DLG2: variants seen among roughly 807,000 people sequenced by gnomAD.
DLG2 encodes the protein disks large homolog 2.
Under a neutral mutation model 132.5 loss-of-function variants are expected in DLG2, and 45 were observed. That is an observed-to-expected ratio of 0.34 (90% CI 0.27 to 0.44). The LOEUF (loss-of-function observed/expected upper bound fraction) is 0.44. Among genes scored for constraint, DLG2 ranks in the 20% least tolerant of loss-of-function variants. DLG2 has a pLI of 1.00. For missense variants in DLG2, 1,045 were observed against 1,196.9 expected (o/e 0.87, Z 1.87); for synonymous variants, 424 against 419.6 (o/e 1.01, Z -0.13).
chr11:85,172,040 G>A lies in DLG2; in HGVS notation c.187-17389C>T, dbSNP rs1380653077. Among the ~76,000 whole-genome samples, 8 of 152,250 alleles carry A rather than the reference G, an allele frequency of 5.3e-5. No homozygotes were observed. The South Asian group carries it at 6.2e-4, about 12-fold the overall frequency. ...GATGTTCCAGCCTGCTGGCACTGAA[G>A]AGTCCGGGCATTCTGGACGAGGGGG... On this transcript the variant is annotated intron_variant, in intron 4 of 27. Transcript: ENST00000376104.
At chr11:85,023,574 A>T (rs2060258902) in intron 6 of DLG2, among the ~76,000 whole-genome samples, 1 of 152,124 alleles carries the variant, frequency 6.6e-6, no homozygotes. Context: ...TTAAATAAAT[A>T]CACAAACAAA....
chr11:84,004,788 T>C (rs1592872569), intron 11 of DLG2, among the ~76,000 whole-genome samples: 1 of 151,568 alleles, frequency 6.6e-6, no homozygotes, highest in East Asian at 1.9e-4. Flanking sequence ...AGGACATAAA[T>C]GGAAAGACAT....
At chr11:84,586,168 G>A (rs11821240) in intron 6 of DLG2, among the ~76,000 whole-genome samples, 6 of 149,328 alleles carry the variant, frequency 4.0e-5, no homozygotes, top group Admixed American at 2.0e-4. Flanking sequence ...AAAAAAAAGG[G>A]TTTGTAATTA....
chr11:83,532,600 TG>T (rs942179598), intron 21 of DLG2, 107 bp downstream of exon 21: 1 of 865,780 alleles, frequency 1.2e-6, no homozygotes, highest in African/African-American at 1.7e-5. Flanking sequence ...AGTGCTCTAC[TG>T]TCTGGTACCT....
chr11:83,512,188 G>A (rs2095063501), intron 21 of DLG2, among the ~76,000 whole-genome samples: 1 of 152,144 alleles, frequency 6.6e-6, no homozygotes, highest in African/African-American at 2.4e-5. Context: ...CCTGCCCAAT[G>A]GGGAGGTGCA....
intron 17 of DLG2, among the ~76,000 whole-genome samples, chr11:83,816,395 G>A (rs1236728988): frequency 2.0e-5 from 3 of 152,274 alleles, no homozygotes; most frequent in South Asian, 2.1e-4. Context: ...AATTTTGTAT[G>A]CCTGGTAAAT....
At chr11:85,256,240 G>C (rs1443639110) in intron 4 of DLG2, among the ~76,000 whole-genome samples, 3 of 152,118 alleles carry the variant, frequency 2.0e-5, no homozygotes, top group Non-Finnish European at 4.4e-5. Flanking sequence ...AAGGAGTGAA[G>C]AGAAGGAGAA....
intron 3 of DLG2, among the ~76,000 whole-genome samples, chr11:85,540,764 TA>T (rs973431062): frequency 6.6e-6 from 1 of 152,324 alleles, no homozygotes; most frequent in African/African-American, 2.4e-5. Flanking sequence ...CACTCAACCT[TA>T]GACGCTGCTG....
At chr11:83,552,844 T>C (rs1679234438) in intron 19 of DLG2, among the ~76,000 whole-genome samples, 1 of 152,210 alleles carries the variant, frequency 6.6e-6, no homozygotes, top group African/African-American at 2.4e-5. Context: ...TTGATCAATA[T>C]AAAAAATTCT....
intron 7 of DLG2, among the ~76,000 whole-genome samples, chr11:84,468,646 TA>T (rs1455384288): frequency 6.6e-6 from 1 of 151,570 alleles, no homozygotes; most frequent in African/African-American, 2.4e-5. Context: ...TCATGGGATT[TA>T]ACCAAGACAT....
At chr11:84,008,298 C>A (rs2094684149) in intron 11 of DLG2, among the ~76,000 whole-genome samples, 1 of 151,838 alleles carries the variant, frequency 6.6e-6, no homozygotes, top group Non-Finnish European at 1.5e-5. Flanking sequence ...ATTGTGAATT[C>A]TTTAAGAGTC....
At chr11:84,796,376 T>C (rs1342834213) in intron 6 of DLG2, among the ~76,000 whole-genome samples, 5 of 152,218 alleles carry the variant, frequency 3.3e-5, no homozygotes, top group African/African-American at 4.8e-5. Flanking sequence ...GCAGCTATTA[T>C]TTTTTATTAG....
At chr11:85,026,760 T>G (rs2060557125) in intron 6 of DLG2, among the ~76,000 whole-genome samples, 1 of 151,710 alleles carries the variant, frequency 6.6e-6, no homozygotes, top group African/African-American at 2.4e-5. Context: ...TGGCGTGAAC[T>G]GGGGAGGCAG....
In DLG2 at chr11:84,483,430, C is replaced by CAAA. The variant is rs56086759; in HGVS notation, c.519+51137_519+51139dup. On this transcript the variant is annotated intron_variant, in intron 7 of 27. Transcript: ENST00000376104. The stretch of plus-strand genomic sequence containing the variant: ...TGTGCAACAGAGCCAGACTCCGCCT[C>CAAA]AAAAAAAAAAAAAAAAAAAATTAAA... 9.9e-3 allele frequency among the ~76,000 whole-genome samples: 895 copies of CAAA among 90,090 alleles called. 25 individuals are homozygous for CAAA. Among genetic ancestry groups the CAAA allele is most frequent in the African/African-American group, 0.029 (702 of 24,316 alleles). 59.1% of individuals were successfully genotyped at this position (90,090 alleles called of 152,430 possible).
At chr11:84,386,592 A>T (rs2098771305) in intron 7 of DLG2, among the ~76,000 whole-genome samples, 1 of 152,100 alleles carries the variant, frequency 6.6e-6, no homozygotes, top group Non-Finnish European at 1.5e-5. Flanking sequence ...TTTGTTACAC[A>T]ATATTGCTAA....
Position 83,604,288 on chromosome 11 carries a change from TC to T in DLG2, c.1940+28922del, listed in dbSNP as rs575589894. 1.8e-4 allele frequency among the ~76,000 whole-genome samples: 28 copies of T among 152,340 alleles called. No homozygotes were observed. The South Asian group carries it at 5.2e-3, about 28-fold the overall frequency. ...TTATTCATAAGAGATTCCACCTATT[TC>T]AAGTGTGTTTATCATCCAGCCAGCA... On this transcript the variant is annotated intron_variant, in intron 19 of 27. Coordinates refer to ENST00000376104, the MANE Select transcript of DLG2 (RefSeq NM_001142699.3).
At chr11:84,543,696 A>G (rs1270822665) in intron 6 of DLG2, among the ~76,000 whole-genome samples, 1 of 152,222 alleles carries the variant, frequency 6.6e-6, no homozygotes, top group Non-Finnish European at 1.5e-5. Context: ...ACCCACAATT[A>G]GCAATATGGC....
chr11:85,590,526 A>G (rs2153231856), intron 3 of DLG2, among the ~76,000 whole-genome samples: 1 of 152,274 alleles, frequency 6.6e-6, no homozygotes, highest in South Asian at 2.1e-4. Flanking sequence ...TCCACAGTTC[A>G]GTAAAACATA....
At chr11:84,363,080 G>A (rs1178063598) in intron 7 of DLG2, among the ~76,000 whole-genome samples, 16 of 149,652 alleles carry the variant, frequency 1.1e-4, no homozygotes, top group South Asian at 2.1e-4. Flanking sequence ...CTGAGGAATC[G>A]CCACACTGAC....
Sources: allele counts gnomAD v4.1 joint callset (sites outside exome capture counted in the v4.1 genomes callset), GRCh38; gene constraint gnomAD v4.1.1; transcripts MANE v1.5; gene names NCBI Gene and HGNC (gene_info 2026-07-23, HGNC 2026-07-21).